TRPA1: variants seen among roughly 807,000 people sequenced by gnomAD.
TRPA1 encodes the protein transient receptor potential cation channel subfamily A member 1.
In TRPA1, 129 loss-of-function variants were observed where a neutral mutation model predicts 131.3. The ratio of observed to expected loss-of-function variants is 0.98; its 90% CI spans 0.85 to 1.14. TRPA1 has a LOEUF of 1.14. Among genes scored for constraint, TRPA1 ranks in the 50% most tolerant of loss-of-function variants. The pLI is 0.00. For synonymous variants in TRPA1, 441 were observed against 451.7 expected, an observed-to-expected ratio of 0.98 and a Z score of 0.30; for missense variants, 1,304 against 1,354.2, an observed-to-expected ratio of 0.96 and a Z score of 0.58.
rs777487376 is a variant in TRPA1, at chr8:72,038,926, G to T, written c.2234C>A (p.Ala745Asp). The T allele has an allele frequency of 6.2e-7, 1 of 1,612,934 alleles. No individual in the cohort carries two copies. The highest frequency in any genetic ancestry group is 8.5e-7 in the Non-Finnish European group (1 of 1,179,312). Residue 745 changes from alanine to aspartate, a missense_variant, in exon 19 of 27, where the codon GCT becomes GAT. By Grantham distance (126) the Ala-to-Asp change is moderately radical. Transcript: ENST00000262209. ...ILVVNIKPGMAFNSTGIINET... is the reference protein window; with the variant it reads ...ILVVNIKPGMDFNSTGIINET... ...ATTGATGATGCCAGTTGAGTTGAAA[G>T]CCATTCCTGGTTTTATATTGACAAC...
At chr8:72,034,068 A>G (rs1214199941) in intron 22 of TRPA1, among the ~76,000 whole-genome samples, 180 bp downstream of exon 22, 1 of 152,242 alleles carries the variant, frequency 6.6e-6, no homozygotes, top group Non-Finnish European at 1.5e-5. Context: ...AAAGTTGCTT[A>G]ACACGACTAT....
chr8:72,086,789 A>G, the TRPA1 span, among the ~76,000 whole-genome samples: 1 of 152,184 alleles, frequency 6.6e-6, no homozygotes, highest in African/African-American at 2.4e-5. Context: ...GGGAAATATC[A>G]TTTCAATCCA....
chr8:72,054,150 G>A (rs868816573), intron 12 of TRPA1: 3 of 427,600 alleles, frequency 7.0e-6, no homozygotes, highest in East Asian at 5.0e-5. Context: ...GGAGAAGTAC[G>A]CTTAGCATGT....
In TRPA1 at chr8:72,069,136, T is replaced by C. The variant is rs759414112; in HGVS notation, c.331A>G (p.Ile111Val). The change falls in exon 3 of 27, where the codon ATT (isoleucine) becomes GTT (valine). Residue 111 changes from isoleucine (I) to valine (V), a missense_variant. Coordinates refer to ENST00000262209, the MANE Select transcript of TRPA1 (RefSeq NM_007332.3). ...PLHCAVEKNQ[I>V]ESVKFLLSRG... ...CTGAGAAGAAACTTAACGCTTTCAA[T>C]TTGGTTTTTTTCTACAGCACAATGC... is the stretch of plus-strand genomic sequence containing the variant. The C allele has an allele frequency of 5.6e-6, 9 of 1,614,124 alleles. No individual in the cohort carries two copies. The East Asian group carries it at 2.0e-4, about 36-fold the overall frequency.
At chr8:72,029,779 T>C in intron 24 of TRPA1, 122 bp downstream of exon 24, 2 of 942,344 alleles carry the variant, frequency 2.1e-6, no homozygotes, top group Non-Finnish European at 3.4e-6. Context: ...ACAGTGTAAG[T>C]AGTATAAATT....
chr8:72,079,247 T>C (rs1052980835), upstream of TRPA1, among the ~76,000 whole-genome samples: 3 of 151,982 alleles, frequency 2.0e-5, no homozygotes, highest in Non-Finnish European at 2.9e-5. Context: ...TTGATAAAAG[T>C]CTAATTTGTT....
chr8:72,083,966 C>A, the TRPA1 span, among the ~76,000 whole-genome samples: 2 of 151,782 alleles, frequency 1.3e-5, no homozygotes, highest in Non-Finnish European at 2.9e-5. Flanking sequence ...TTCAGTGAGT[C>A]GAAAGCTGGG....
intron 15 of TRPA1, among the ~76,000 whole-genome samples, chr8:72,049,993 C>T (rs928403063): frequency 2.0e-5 from 3 of 151,648 alleles, no homozygotes; most frequent in Non-Finnish European, 1.5e-5. Flanking sequence ...GTATGCACAA[C>T]GTGCAGGTTT....
chr8:72,046,464 AAAAAAG>A, intron 17 of TRPA1, 43 bp downstream of exon 17: 1 of 1,182,046 alleles, frequency 8.5e-7, no homozygotes, highest in African/African-American at 1.6e-5. Context: ...AATAAAAAAA[AAAAAAG>A]AAAAAAAAGA....
At chr8:72,067,338 A>T (rs1448417462) in intron 3 of TRPA1, among the ~76,000 whole-genome samples, 2 of 152,154 alleles carry the variant, frequency 1.3e-5, no homozygotes, top group Non-Finnish European at 2.9e-5. Flanking sequence ...GAACCAGAGG[A>T]GTCTGAAAAT....
Position 72,069,115 on chromosome 8 carries a change from G to C in TRPA1, c.352C>G (p.Leu118Val), listed in dbSNP as rs201061221. 388 of 1,614,226 alleles carry C rather than the reference G, an allele frequency of 2.4e-4. 1 individual carries two copies. Among genetic ancestry groups the C allele is most frequent in the South Asian group, 1.1e-3 (103 of 91,080 alleles). The change falls in exon 3 of 27, where the codon CTC becomes GTC. Residue 118 changes from leucine to valine, a missense_variant. Physicochemically the swap from Leu to Val is conservative, Grantham distance 32 (BLOSUM62 1). Coordinates refer to ENST00000262209, the MANE Select transcript of TRPA1 (RefSeq NM_007332.3). Reference sequence around the variant, plus strand: ...AGATTTGGGTTTGCTCCTCTGCTGAGAAGAAACTTAACGCTTTCAATTTGG... The same window carrying C: ...AGATTTGGGTTTGCTCCTCTGCTGACAAGAAACTTAACGCTTTCAATTTGG... ...KNQIESVKFL[L>V]SRGANPNLRN...
chr8:72,039,785 T>G lies in TRPA1; in HGVS notation c.2074A>C (p.Asn692His). 2 of 1,607,824 alleles carry G rather than the reference T, an allele frequency of 1.2e-6. No homozygotes were observed. The highest frequency in any genetic ancestry group is 1.7e-6 in the Non-Finnish European group (2 of 1,174,988). The stretch of plus-strand genomic sequence containing the variant: ...TGATTGAGAAGCTCTATGCGGTTAT[T>G]TTGTACCATTGCCTGAGAAATAAAA... Reference protein sequence around the residue: ...PLTALNAMVQNNRIELLNHPV... With the variant: ...PLTALNAMVQHNRIELLNHPV... The change falls in exon 18 of 27, where the codon AAT becomes CAT. Residue 692 changes from asparagine (N) to histidine (H), a missense_variant. Asn to His is a moderately conservative substitution (Grantham distance 68). Coordinates refer to ENST00000262209, the MANE Select transcript of TRPA1 (RefSeq NM_007332.3).
chr8:72,063,050 C>A (rs138696188), intron 5 of TRPA1, 106 bp from the exon 6 acceptor site: 2 of 1,096,696 alleles, frequency 1.8e-6, no homozygotes, highest in Non-Finnish European at 2.6e-6. Flanking sequence ...GAAAGGGCAC[C>A]GAGACACATA....
Position 72,075,302 on chromosome 8 carries a change from A to C in TRPA1, c.108T>G (p.Leu36=). Reference sequence around the variant, plus strand: ...GACCCGCGAGCCCCCAGAGTACCTTAAGCGATTCCTTGAAATCCTCCGTGT... The same window carrying C: ...GACCCGCGAGCCCCCAGAGTACCTTCAGCGATTCCTTGAAATCCTCCGTGT... ...PDDTEDFKES[L]KVVFEGSAYG... The change falls in exon 1 of 27, where the codon CTT becomes CTG. Residue 36 remains leucine, a synonymous_variant. Coordinates refer to ENST00000262209, the MANE Select transcript of TRPA1 (RefSeq NM_007332.3). 1 of 1,612,784 alleles carries C rather than the reference A, an allele frequency of 6.2e-7. No individual in the cohort carries two copies. The highest frequency in any genetic ancestry group is 1.1e-5 in the South Asian group (1 of 91,064).
intron 3 of TRPA1, among the ~76,000 whole-genome samples, chr8:72,067,131 T>C (rs1279985925): frequency 6.6e-6 from 1 of 152,166 alleles, no homozygotes; most frequent in East Asian, 1.9e-4. Context: ...ACAACCATTA[T>C]AGGCAGCAGA....
At position 72,060,684 on chromosome 8, in the gene TRPA1, A is replaced by G. The variant is rs557195014; in HGVS notation, c.944+941T>C. Among the ~76,000 whole-genome samples, 10 of 152,050 alleles carry G rather than the reference A, an allele frequency of 6.6e-5. No homozygotes were observed. The South Asian group carries it at 2.1e-3, about 32-fold the overall frequency. On this transcript the variant is annotated intron_variant, in intron 7 of 26. Transcript: ENST00000262209. ...TGCCCTATTATTTCTATTTTCTTGG[A>G]AGTAAATTTGTCTTTGGTCAACTTC...
At chr8:72,040,391 A>G (rs1812212961) in intron 17 of TRPA1, among the ~76,000 whole-genome samples, 1 of 152,088 alleles carries the variant, frequency 6.6e-6, no homozygotes, top group Non-Finnish European at 1.5e-5. Context: ...TTTCTTTGTG[A>G]GCAATCCCAA....
In TRPA1 at chr8:72,052,685, G is replaced by T; in HGVS notation, c.1725C>A (p.Val575=). The T allele has an allele frequency of 6.2e-7, 1 of 1,613,814 alleles. No individual in the cohort carries two copies. The highest frequency in any genetic ancestry group is 8.5e-7 in the Non-Finnish European group (1 of 1,179,852). ...AAAAGGAGGCCTGCTGCTTGTTCAG[G>T]ACTATGTCAGCATTGTGGCTCAGAA... ...ALLLSHNADI[V]LNKQQASFLH... is the part of the protein sequence containing the mutation. The change falls in exon 14 of 27, where the codon GTC becomes GTA. Residue 575 remains valine (V), a synonymous_variant. Transcript: ENST00000262209.
At chr8:72,041,803 TAAAG>T (rs935611631) in intron 17 of TRPA1, among the ~76,000 whole-genome samples, 33 of 150,920 alleles carry the variant, frequency 2.2e-4, no homozygotes, top group African/African-American at 6.3e-4. Context: ...CTCAAGGAAA[TAAAG>T]AAAGAAGAAC....
Sources: gnomAD v4.1 joint callset for allele counts (sites outside exome capture counted in the v4.1 genomes callset) on GRCh38, gnomAD v4.1.1 for gene constraint, MANE v1.5 for transcripts, NCBI Gene and HGNC (gene_info 2026-07-23, HGNC 2026-07-21) for gene names.